LDHA: variants seen among roughly 807,000 people sequenced by gnomAD.
LDHA encodes the protein L-lactate dehydrogenase A chain.
LDHA carries 10 observed loss-of-function variants against 36.3 expected under a neutral mutation model. The observed-to-expected ratio is 0.28, with a 90% confidence interval of 0.17 to 0.47. The LOEUF (loss-of-function observed/expected upper bound fraction) is 0.47. Ranked by LOEUF, LDHA falls within the 20% of genes least tolerant of loss-of-function variation. The probability of loss-of-function intolerance (pLI) is 0.99; values close to 1 mark genes in which losing one functional copy is unlikely to be tolerated. For missense variants in LDHA, 267 were observed against 405.8 expected, an observed-to-expected ratio of 0.66 and a Z score of 2.94; for synonymous variants, 110 against 136.7, an observed-to-expected ratio of 0.80 and a Z score of 1.36.
chr11:18,405,874 A>G, intron 7 of LDHA: 1 of 341,820 alleles, frequency 2.9e-6, no homozygotes, highest in Non-Finnish European at 5.6e-6. Context: ...TAGAAATTAT[A>G]TTCAAGTTAG....
At chr11:18,401,054 C>A (rs1440742911) in intron 4 of LDHA, 44 bp downstream of exon 4, 7 of 1,163,092 alleles carry the variant, frequency 6.0e-6, no homozygotes, top group Non-Finnish European at 9.0e-6. Context: ...TATAGTAAAA[C>A]TGATAGTATA....
chr11:18,406,922 C>G (rs1866705040), intron 7 of LDHA, among the ~76,000 whole-genome samples, 195 bp from the exon 8 acceptor site: 1 of 151,762 alleles, frequency 6.6e-6, no homozygotes, highest in Non-Finnish European at 1.5e-5. Context: ...AGGAGAATTA[C>G]TTGAACCCTG....
At chr11:18,406,160 T>G (rs1048315214) in intron 7 of LDHA, among the ~76,000 whole-genome samples, 2 of 152,090 alleles carry the variant, frequency 1.3e-5, no homozygotes, top group African/African-American at 4.8e-5. Flanking sequence ...GAGATGGAGT[T>G]TCACCATATT....
rs375803679 is a variant in LDHA at position 18,399,401 on chromosome 11, C to G, written c.127-30C>G. On this transcript the variant is annotated intron_variant, in intron 2 of 7. Coordinates refer to ENST00000422447, the MANE Select transcript of LDHA (RefSeq NM_005566.4). ...CTAAAAATCTAGAAGTGGCAATTTT[C>G]CATTTAACTAAAGATTTGATGTCTT... 9 of 1,489,812 alleles carry G rather than the reference C, an allele frequency of 6.0e-6. No individual in the cohort carries two copies. In the African/African-American group the frequency reaches 1.1e-4, roughly 18 times the overall value. 92.3% of individuals were successfully genotyped at this position (1,489,812 alleles called of 1,614,324 possible).
rs748478809 is a variant in LDHA at position 18,407,752 on chromosome 11, A to C, written c.*471A>C. On this transcript the variant is annotated 3_prime_UTR_variant, in exon 8 of 8. Coordinates refer to ENST00000422447, the MANE Select transcript of LDHA (RefSeq NM_005566.4). The stretch of plus-strand genomic sequence containing the variant: ...TTTGTGAACTATATCAGTAGTGTAC[A>C]TTACCATATAATGTAAAAAGATCTA... 1.9e-5 allele frequency: 9 copies of C among 463,214 alleles called. No homozygotes were observed. The highest frequency in any genetic ancestry group is 1.2e-4 in the African/African-American group (6 of 50,402). 28.7% of individuals were successfully genotyped at this position (463,214 alleles called of 1,614,324 possible). A position where few individuals can be genotyped will look rare whatever the true frequency, so the allele number is the denominator to read the frequency against.
intron 1 of LDHA, 188 bp from the exon 2 acceptor site, chr11:18,396,631 C>A: frequency 7.1e-7 from 1 of 1,414,256 alleles, no homozygotes; most frequent in Non-Finnish European, 9.2e-7. Flanking sequence ...TCACTCTTCA[C>A]AGACCCTGTC....
Position 18,403,744 on chromosome 11 carries a change from C to G in LDHA, c.643C>G (p.His215Asp). Residue 215 changes from histidine to aspartate, a missense_variant, in exon 6 of 8, where the codon CAC (histidine) becomes GAC (aspartate). Coordinates refer to ENST00000422447, the MANE Select transcript of LDHA (RefSeq NM_005566.4). ...NVAGVSLKTL[H>D]PDLGTDKDKE... ...TGCTGGTGTCTCTCTGAAGACTCTG[C>G]ACCCAGATTTAGGGACTGATAAAGA... is the stretch of plus-strand genomic sequence containing the variant. 1 of 1,611,916 alleles carries G rather than the reference C, an allele frequency of 6.2e-7. No homozygotes were observed. Among genetic ancestry groups the G allele is most frequent in the Non-Finnish European group, 8.5e-7 (1 of 1,178,000 alleles).
intron 6 of LDHA, among the ~76,000 whole-genome samples, chr11:18,404,423 G>GA (rs550823219): frequency 2.1e-4 from 31 of 149,122 alleles, no homozygotes; most frequent in East Asian, 5.9e-4. Context: ...TGTCTCAAAG[G>GA]AAAAAAAAAA....
chr11:18,405,488 G>T lies in LDHA; in HGVS notation c.750G>T (p.Trp250Cys). 1 of 1,613,652 alleles carries T rather than the reference G, an allele frequency of 6.2e-7. No homozygotes were observed. The highest frequency in any genetic ancestry group is 8.5e-7 in the Non-Finnish European group (1 of 1,179,784). Residue 250 changes from tryptophan to cysteine, a missense_variant, in exon 7 of 8, where the codon TGG becomes TGT. Physicochemically the swap from Trp to Cys is radical, Grantham distance 215. Transcript: ENST00000422447. ...TCAAACTCAAAGGCTACACATCCTG[G>T]GCTATTGGACTCTCTGTAGCAGATT... ...EVIKLKGYTS[W>C]AIGLSVADLA...
At chr11:18,398,340 A>C (rs1338565643) in intron 2 of LDHA, among the ~76,000 whole-genome samples, 1 of 152,186 alleles carries the variant, frequency 6.6e-6, no homozygotes, top group African/African-American at 2.4e-5. Flanking sequence ...TCAACCAGGG[A>C]ATAGTTCAGA....
intron 7 of LDHA, among the ~76,000 whole-genome samples, chr11:18,406,262 C>T (rs917238626): frequency 4.6e-5 from 7 of 152,010 alleles, no homozygotes; most frequent in African/African-American, 1.7e-4. Flanking sequence ...CCGCACCTGG[C>T]CTCAAGTTGT....
In LDHA at chr11:18,407,683, A is replaced by G; in HGVS notation, c.*402A>G. On this transcript the variant is annotated 3_prime_UTR_variant, in exon 8 of 8. Coordinates refer to ENST00000422447, the MANE Select transcript of LDHA (RefSeq NM_005566.4). The stretch of plus-strand genomic sequence containing the variant: ...TCACATCCTGGGATCCAGTGTATAA[A>G]TCCAATATCATGTCTTGTGCATAAT... The G allele has an allele frequency of 1.9e-6, 1 of 526,246 alleles. No homozygotes were observed. The highest frequency in any genetic ancestry group is 3.6e-6 in the Non-Finnish European group (1 of 274,698). 32.6% of individuals were successfully genotyped at this position (526,246 alleles called of 1,614,324 possible). A position where few individuals can be genotyped will look rare whatever the true frequency, so the allele number is the denominator to read the frequency against.
chr11:18,399,591 A>C (rs753778781), intron 3 of LDHA, 43 bp downstream of exon 3: 7 of 1,405,856 alleles, frequency 5.0e-6, no homozygotes, highest in Non-Finnish European at 7.1e-6. Flanking sequence ...GCTTGACTTA[A>C]ATTCTTTTTC....
At chr11:18,394,906 G>A in intron 1 of LDHA, 13 of 350,892 alleles carry the variant, frequency 3.7e-5, no homozygotes, top group South Asian at 2.7e-4. Context: ...CCCAAGCAGG[G>A]GTCGAAAGCC....
chr11:18,404,807 C>CAA (rs10684351), intron 6 of LDHA, among the ~76,000 whole-genome samples: 23 of 125,590 alleles, frequency 1.8e-4, no homozygotes, highest in Non-Finnish European at 3.4e-4. Flanking sequence ...GACTCCGTCT[C>CAA]AAAAAAAAAA....
chr11:18,396,458 C>T (rs1162166768), intron 1 of LDHA: 22 of 534,134 alleles, frequency 4.1e-5, no homozygotes, highest in Non-Finnish European at 6.4e-5. Flanking sequence ...ACTTGAGAAG[C>T]CTGGCTGTGT....
At position 18,405,581 on chromosome 11, in the gene LDHA, A is replaced by G. The variant is rs1280059814; in HGVS notation, c.834+9A>G. 3.7e-6 allele frequency: 6 copies of G among 1,613,446 alleles called. No individual in the cohort carries two copies. Among genetic ancestry groups the G allele is most frequent in the East Asian group, 2.2e-5 (1 of 44,846 alleles). ...TTTCCACCATGATTAAGGTAGGTCT[A>G]TGTAGTGATACGCTGCATTTGAATG... On this transcript the variant is annotated intron_variant, in intron 7 of 7. Coordinates refer to ENST00000422447, the MANE Select transcript of LDHA (RefSeq NM_005566.4).
chr11:18,400,429 CCACACACACA>C (rs6144241), intron 3 of LDHA: 3,783 of 287,304 alleles, frequency 0.013, 27 homozygotes, highest in Middle Eastern at 0.025. Context: ...ACCACCACCA[CCACACACACA>C]CACACACACA....
chr11:18,397,062 A>G (rs541117974), intron 2 of LDHA, 94 bp downstream of exon 2: 2 of 1,155,544 alleles, frequency 1.7e-6, no homozygotes, highest in Admixed American at 1.9e-5. Context: ...CATTTCATGT[A>G]ACAGTATTTA....
Sources: allele counts gnomAD v4.1 joint callset (sites outside exome capture counted in the v4.1 genomes callset), GRCh38; gene constraint gnomAD v4.1.1; transcripts MANE v1.5; gene names NCBI Gene and HGNC (gene_info 2026-07-23, HGNC 2026-07-21).